The following DPYD variants were observed in gnomAD, a reference collection of about 807,000 sequenced individuals.
DPYD encodes dihydropyrimidine dehydrogenase [NADP(+)].
DPYD carries 109 observed loss-of-function variants against 116.2 expected under a neutral mutation model. That is an observed-to-expected ratio of 0.94 (90% CI 0.80 to 1.10). The LOEUF (loss-of-function observed/expected upper bound fraction) is 1.10, where lower values mean the gene tolerates loss of function less well. DPYD is among the 50% of genes least tolerant of loss of function. DPYD has a pLI of 0.00. For synonymous variants in DPYD, 440 were observed against 432.0 expected (o/e 1.02, Z -0.23); for missense variants, 1,302 against 1,254.5 (o/e 1.04, Z -0.57).
intron 14 of DPYD, among the ~76,000 whole-genome samples, chr1:97,384,992 T>G (rs1257031350): frequency 6.6e-6 from 1 of 152,058 alleles, no homozygotes; most frequent in Non-Finnish European, 1.5e-5. Context: ...AAACTACAGC[T>G]TTTCAGAATT....
intron 20 of DPYD, among the ~76,000 whole-genome samples, chr1:97,173,407 C>T (rs60850758): frequency 2.1e-4 from 30 of 145,762 alleles, no homozygotes; most frequent in South Asian, 1.3e-3. Flanking sequence ...TGTGTATATA[C>T]GTACGTACAT....
At chr1:97,149,223 T>A (rs962581547) in intron 20 of DPYD, among the ~76,000 whole-genome samples, 1 of 152,212 alleles carries the variant, frequency 6.6e-6, no homozygotes, top group Non-Finnish European at 1.5e-5. Flanking sequence ...TACAGAATTA[T>A]AGCTGTGTTT....
intron 5 of DPYD, among the ~76,000 whole-genome samples, chr1:97,715,741 C>G (rs552553151): frequency 6.6e-6 from 1 of 152,160 alleles, no homozygotes; most frequent in African/African-American, 2.4e-5. Context: ...AGTTTATGCA[C>G]AAATACTCAT....
rs182387881 is a variant in DPYD at position 97,824,958 on chromosome 1, T to C, written c.233+3156A>G. On this transcript the variant is annotated intron_variant, in intron 3 of 22. Transcript: ENST00000370192. Reference sequence around the variant, plus strand: ...TTTTCCTTGAGTTGTTGCATTGTATTTTCCCTCTGCCTATTGCACATTTAC... The same window carrying C: ...TTTTCCTTGAGTTGTTGCATTGTATCTTCCCTCTGCCTATTGCACATTTAC... Among the ~76,000 whole-genome samples, 52 of 152,310 alleles carry C rather than the reference T, an allele frequency of 3.4e-4. 1 individual carries two copies. Among genetic ancestry groups the C allele is most frequent in the Middle Eastern group, 6.8e-3 (2 of 294 alleles).
intron 20 of DPYD, among the ~76,000 whole-genome samples, chr1:97,109,249 TAATA>T (rs918676722): frequency 2.6e-5 from 4 of 152,124 alleles, no homozygotes; most frequent in African/African-American, 4.8e-5. Context: ...ATGCACAATA[TAATA>T]AATAATGTAA....
intron 8 of DPYD, among the ~76,000 whole-genome samples, chr1:97,656,731 A>G (rs1410196093): frequency 6.6e-6 from 1 of 152,298 alleles, no homozygotes; most frequent in Non-Finnish European, 1.5e-5. Context: ...CCATTTTTAA[A>G]TGAAATCCTC....
At chr1:97,268,063 A>G (rs2100878906) in intron 18 of DPYD, among the ~76,000 whole-genome samples, 1 of 152,326 alleles carries the variant, frequency 6.6e-6, no homozygotes, top group African/African-American at 2.4e-5. Context: ...AATAGGCAAG[A>G]AAAAAGGAGT....
chr1:97,735,009 C>T (rs954059360), intron 4 of DPYD, among the ~76,000 whole-genome samples: 2 of 152,194 alleles, frequency 1.3e-5, no homozygotes, highest in African/African-American at 2.4e-5. Context: ...AAATAATGTC[C>T]TTAGCAAATT....
chr1:97,718,881 A>C (rs1203304314), intron 5 of DPYD, among the ~76,000 whole-genome samples: 1 of 151,864 alleles, frequency 6.6e-6, no homozygotes, highest in Non-Finnish European at 1.5e-5. Context: ...TAAAATTTTC[A>C]AGGGTTATAT....
chr1:97,154,761 G>C (rs550925140), intron 20 of DPYD, among the ~76,000 whole-genome samples: 127 of 151,984 alleles, frequency 8.4e-4, no homozygotes, highest in African/African-American at 2.9e-3. Context: ...GGGTGAGAGG[G>C]GGGTGAGGGA....
intron 11 of DPYD, among the ~76,000 whole-genome samples, chr1:97,554,402 G>A (rs1651539058): frequency 6.6e-6 from 1 of 152,110 alleles, no homozygotes; most frequent in South Asian, 2.1e-4. Flanking sequence ...TCTTTGGAGA[G>A]TTTGATGTGT....
At chr1:97,882,908 A>C (rs1161568505) in intron 2 of DPYD, among the ~76,000 whole-genome samples, 1 of 152,092 alleles carries the variant, frequency 6.6e-6, no homozygotes, top group Non-Finnish European at 1.5e-5. Flanking sequence ...TAGGCAAAAC[A>C]ATTTTAAAAC....
At chr1:97,200,273 C>T (rs1300391229) in intron 19 of DPYD, among the ~76,000 whole-genome samples, 1 of 152,108 alleles carries the variant, frequency 6.6e-6, no homozygotes, top group African/African-American at 2.4e-5. Flanking sequence ...AAGTATGTGC[C>T]TCCAGGTTAT....
intron 16 of DPYD, among the ~76,000 whole-genome samples, chr1:97,316,462 C>A (rs1406307115): frequency 2.7e-5 from 4 of 150,272 alleles, no homozygotes; most frequent in South Asian, 2.1e-4. Context: ...TGCAGTGAGC[C>A]GAGATTGCGT....
At chr1:97,295,750 G>T (rs1045727390) in intron 18 of DPYD, 1 of 983,840 alleles carries the variant, frequency 1.0e-6, no homozygotes, top group Non-Finnish European at 1.2e-6. Context: ...TCTTAAAATT[G>T]CCAGTGCTAC....
chr1:97,272,577 A>G (rs1419958789), intron 18 of DPYD, among the ~76,000 whole-genome samples: 1 of 152,156 alleles, frequency 6.6e-6, no homozygotes, highest in Non-Finnish European at 1.5e-5. Context: ...CTATAATTAC[A>G]TATATTCAAT....
chr1:97,108,660 T>C (rs1329691998), intron 20 of DPYD, among the ~76,000 whole-genome samples: 1 of 152,134 alleles, frequency 6.6e-6, no homozygotes, highest in Non-Finnish European at 1.5e-5. Context: ...GAAATCTGTA[T>C]AGAAAATTAA....
intron 14 of DPYD, among the ~76,000 whole-genome samples, chr1:97,433,321 C>T (rs183399611): frequency 2.6e-4 from 40 of 152,162 alleles, no homozygotes; most frequent in African/African-American, 8.9e-4. Context: ...AGAGATGGTC[C>T]GTGCCTGGGC....
intron 19 of DPYD, among the ~76,000 whole-genome samples, chr1:97,208,065 CTGTT>C (rs528004056): frequency 1.2e-3 from 180 of 152,280 alleles, no homozygotes; most frequent in Non-Finnish European, 2.2e-3. Context: ...GGCCTTCTCT[CTGTT>C]TGCTGGGAAT....
Sources: gnomAD v4.1 joint callset for allele counts (sites outside exome capture counted in the v4.1 genomes callset) on GRCh38, gnomAD v4.1.1 for gene constraint, MANE v1.5 for transcripts, NCBI Gene and HGNC (gene_info 2026-07-23, HGNC 2026-07-21) for gene names.